OSBPL11: variants seen among roughly 807,000 people sequenced by gnomAD.
OSBPL11 encodes oxysterol binding protein like 11, also known as oxysterol-binding protein-related protein 11.
A neutral mutation model predicts 84.4 loss-of-function variants in OSBPL11; 33 were observed. The ratio of observed to expected loss-of-function variants is 0.39; its 90% CI spans 0.30 to 0.52. The LOEUF (loss-of-function observed/expected upper bound fraction) is 0.52. Among genes scored for constraint, OSBPL11 ranks in the 20% least tolerant of loss-of-function variants. The pLI is 0.72. For missense variants in OSBPL11, 736 were observed against 901.1 expected (o/e 0.82, Z 2.35); for synonymous variants, 276 against 310.2 (o/e 0.89, Z 1.16).
intron 8 of OSBPL11, 150 bp downstream of exon 8, chr3:125,560,229 C>G (rs1268957202): frequency 1.5e-6 from 1 of 652,926 alleles, no homozygotes; most frequent in Non-Finnish European, 2.1e-6. Context: ...CCATTGCACT[C>G]CAGCCTGGGC....
At chr3:125,546,729 A>AATAC (rs1935823842) in intron 10 of OSBPL11, among the ~76,000 whole-genome samples, 1 of 152,098 alleles carries the variant, frequency 6.6e-6, no homozygotes, top group Non-Finnish European at 1.5e-5. Flanking sequence ...CATCTCAACT[A>AATAC]AAAATACAAA....
rs1210148914 is a variant in OSBPL11, at chr3:125,576,182, T to A, written c.666+7A>T. ...TGCATTTTAACTTGACTTTAATTCA[T>A]ACTTACTTCTCTGACTTCCACAAGA... On this transcript the variant is annotated splice_region_variant and intron_variant, in intron 5 of 12. Coordinates refer to ENST00000296220, the MANE Select transcript of OSBPL11 (RefSeq NM_022776.5). The A allele has an allele frequency of 1.3e-6, 2 of 1,598,854 alleles. No individual in the cohort carries two copies. Among genetic ancestry groups the A allele is most frequent in the South Asian group, 2.3e-5 (2 of 87,828 alleles).
Position 125,578,955 on chromosome 3 carries a change from C to A in OSBPL11, c.489+5G>T. On this transcript the variant is annotated splice_donor_5th_base_variant and intron_variant, in intron 4 of 12. Transcript: ENST00000296220. ...TATATTAATATTGTATATAAATCTA[C>A]ATACCTTTCCAATAGCTTCAGTATG... 6.6e-7 allele frequency: 1 copy of A among 1,525,114 alleles called. No homozygotes were observed. The highest frequency in any genetic ancestry group is 1.3e-5 in the South Asian group (1 of 78,746). 94.5% of individuals were successfully genotyped at this position (1,525,114 alleles called of 1,614,324 possible).
At position 125,555,009 on chromosome 3, in the gene OSBPL11, G is replaced by A. The variant is rs182311203; in HGVS notation, c.1156-2330C>T. 6.2e-3 allele frequency among the ~76,000 whole-genome samples: 936 copies of A among 151,948 alleles called. 12 individuals carry two copies. Among genetic ancestry groups the A allele is most frequent in the Non-Finnish European group, 8.3e-3 (564 of 67,880 alleles). On this transcript the variant is annotated intron_variant, in intron 8 of 12. Transcript: ENST00000296220. Reference sequence around the variant, plus strand: ...AGTACTGTTCTTGGGTGCGTCTGAGGGTGTTGCCAAAGGGGATTAACATTT... The same window carrying A: ...AGTACTGTTCTTGGGTGCGTCTGAGAGTGTTGCCAAAGGGGATTAACATTT...
chr3:125,532,105 A>C, intron 11 of OSBPL11, 91 bp from the exon 12 acceptor site: 1 of 1,320,608 alleles, frequency 7.6e-7, no homozygotes, highest in Non-Finnish European at 1.0e-6. Context: ...TAATTTTATA[A>C]AATAACGTTT....
intron 11 of OSBPL11, among the ~76,000 whole-genome samples, chr3:125,537,159 C>CA (rs574427912): frequency 0.27 from 23,483 of 88,364 alleles, 3,131 homozygotes; most frequent in African/African-American, 0.41. Context: ...GACCCTGTCT[C>CA]AAAAAAAAAA....
chr3:125,590,234 A>G (rs752180455), intron 1 of OSBPL11, among the ~76,000 whole-genome samples: 25 of 152,208 alleles, frequency 1.6e-4, no homozygotes, highest in Non-Finnish European at 2.6e-4. Flanking sequence ...GGCTAATCTA[A>G]TAAATTAAGT....
chr3:125,573,746 C>T (rs1158340585), intron 5 of OSBPL11, among the ~76,000 whole-genome samples: 4 of 151,908 alleles, frequency 2.6e-5, no homozygotes, highest in Non-Finnish European at 4.4e-5. Flanking sequence ...CTGCAGCATG[C>T]CTGTAATCTC....
rs762541849 is a variant in OSBPL11, at chr3:125,531,997, A to G, written c.2042T>C (p.Val681Ala). The G allele has an allele frequency of 1.3e-5, 21 of 1,603,044 alleles. No homozygotes were observed. The highest frequency in any genetic ancestry group is 1.8e-5 in the Non-Finnish European group (21 of 1,177,156). ...PFESRRLWKNVTDSLRESEID... is the reference protein window; with the variant it reads ...PFESRRLWKNATDSLRESEID... ...TTCAGATTCTCTCAGCGAGTCTGTC[A>G]CATTTTTCCACAATCGCCTGAAATC... Residue 681 changes from valine to alanine, a missense_variant, in exon 12 of 13, where the codon GTG (valine) becomes GCG (alanine). Coordinates refer to ENST00000296220, the MANE Select transcript of OSBPL11 (RefSeq NM_022776.5).
At chr3:125,557,671 C>T (rs1180619467) in intron 8 of OSBPL11, among the ~76,000 whole-genome samples, 2 of 151,782 alleles carry the variant, frequency 1.3e-5, no homozygotes, top group African/African-American at 4.8e-5. Context: ...AGCCATGGCA[C>T]CCAGCCACCA....
rs1936175761 is a variant in OSBPL11, at chr3:125,567,437, G to A, written c.825C>T (p.Leu275=). Residue 275 remains leucine (L), a synonymous_variant, in exon 6 of 13, where the codon CTC becomes CTT. Transcript: ENST00000296220. ...MNCLNDCFHI[L]QLQHASHQKG... ...TCTGATGTGATGCATGCTGTAACTG[G>A]AGAATATGAAAGCAGTCATTTAAGC... 4 of 1,614,112 alleles carry A rather than the reference G, an allele frequency of 2.5e-6. No individual in the cohort carries two copies. Among genetic ancestry groups the A allele is most frequent in the Non-Finnish European group, 3.4e-6 (4 of 1,180,000 alleles).
rs769635954 is a variant in OSBPL11, at chr3:125,576,308, T to C, written c.547A>G (p.Ile183Val). The C allele has an allele frequency of 2.2e-5, 35 of 1,608,896 alleles. 1 individual carries two copies. In the Admixed American group the frequency reaches 2.9e-4, roughly 13 times the overall value. Residue 183 changes from isoleucine (I) to valine (V), a missense_variant, in exon 5 of 13, where the codon ATA becomes GTA. Around this residue, in one of 3 missense-constraint regions of OSBPL11, gnomAD observed 579 missense variants for 717.6 expected, o/e 0.81. Transcript: ENST00000296220. Reference protein sequence around the residue: ...FSLASSSNSPISQRRPSQNAI... With the variant: ...FSLASSSNSPVSQRRPSQNAI... Reference sequence around the variant, plus strand: ...TTTTGACTTGGTCTCCTCTGCGATATAGGAGAATTACTACTAGATGCAAGT... The same window carrying C: ...TTTTGACTTGGTCTCCTCTGCGATACAGGAGAATTACTACTAGATGCAAGT...
chr3:125,535,738 A>T (rs986984873), intron 11 of OSBPL11, among the ~76,000 whole-genome samples: 1 of 151,436 alleles, frequency 6.6e-6, no homozygotes, highest in African/African-American at 2.4e-5. Flanking sequence ...GCCTTCCAAC[A>T]TGCTGGGATT....
chr3:125,568,542 T>C (rs781048600), intron 5 of OSBPL11, among the ~76,000 whole-genome samples: 1 of 152,308 alleles, frequency 6.6e-6, no homozygotes, highest in Admixed American at 6.5e-5. Flanking sequence ...AGTTCCAGTC[T>C]GGGCTCTCAA....
intron 9 of OSBPL11, among the ~76,000 whole-genome samples, chr3:125,549,001 A>G (rs1935860517): frequency 6.6e-6 from 1 of 152,090 alleles, no homozygotes; most frequent in African/African-American, 2.4e-5. Context: ...CAGATGACAG[A>G]CAACATACTT....
At chr3:125,580,069 T>G (rs998616388) in intron 2 of OSBPL11, 29 bp from the exon 3 acceptor site, 1 of 1,588,368 alleles carries the variant, frequency 6.3e-7, no homozygotes, top group Non-Finnish European at 8.6e-7. Context: ...ATCCATAATT[T>G]GTAAACATTT....
chr3:125,557,560 T>C (rs1936010063), intron 8 of OSBPL11, among the ~76,000 whole-genome samples: 1 of 151,946 alleles, frequency 6.6e-6, no homozygotes, highest in African/African-American at 2.4e-5. Context: ...TTGTTTTTAG[T>C]AGAGACGGGG....
At chr3:125,539,080 C>G (rs1279290945) in intron 10 of OSBPL11, among the ~76,000 whole-genome samples, 1 of 151,478 alleles carries the variant, frequency 6.6e-6, no homozygotes, top group Non-Finnish European at 1.5e-5. Flanking sequence ...ATACATCAAT[C>G]CCGTACTAAA....
chr3:125,590,993 A>G (rs1233573012), intron 1 of OSBPL11, among the ~76,000 whole-genome samples: 3 of 152,290 alleles, frequency 2.0e-5, no homozygotes, highest in East Asian at 1.9e-4. Context: ...GTTTTCTTCA[A>G]CTGCAAAACA....
Sources: gnomAD v4.1 joint callset for allele counts (sites outside exome capture counted in the v4.1 genomes callset) on GRCh38, gnomAD v4.1.1 for gene constraint, gnomAD v4.1.1 regional missense constraint, MANE v1.5 for transcripts, NCBI Gene and HGNC (gene_info 2026-07-23, HGNC 2026-07-21) for gene names.